Variants in CTNNA2 observed in about 807,000 individuals in gnomAD.
CTNNA2 encodes the protein catenin alpha 2, also known as catenin alpha-2.
CTNNA2 carries 42 observed loss-of-function variants against 101.0 expected under a neutral mutation model. The observed-to-expected ratio is 0.42, with a 90% CI of 0.32 to 0.54. CTNNA2 has a LOEUF of 0.54. Among genes scored for constraint, CTNNA2 ranks in the 20% least tolerant of loss-of-function variants. The probability of loss-of-function intolerance (pLI) is 0.14; values close to 1 mark genes in which losing one functional copy is unlikely to be tolerated. For synonymous variants in CTNNA2, 450 were observed against 456.4 expected, an observed-to-expected ratio of 0.99 and a Z score of 0.18; for missense variants, 871 against 1,223.1, an observed-to-expected ratio of 0.71 and a Z score of 4.29.
At chr2:79,260,634 C>G (rs922835637) in intron 2 of CTNNA2, among the ~76,000 whole-genome samples, 3 of 152,096 alleles carry the variant, frequency 2.0e-5, no homozygotes, top group Admixed American at 1.3e-4. Flanking sequence ...CATAGACACC[C>G]AGCAAGTTTG....
At chr2:79,755,917 T>A (rs2105057039) in intron 3 of CTNNA2, among the ~76,000 whole-genome samples, 1 of 152,296 alleles carries the variant, frequency 6.6e-6, no homozygotes, top group African/African-American at 2.4e-5. Flanking sequence ...TGTGAAAATA[T>A]GATGAAAAAT....
intron 7 of CTNNA2, among the ~76,000 whole-genome samples, chr2:80,385,878 C>A (rs1178942424): frequency 6.6e-6 from 1 of 152,132 alleles, no homozygotes; most frequent in African/African-American, 2.4e-5. Context: ...CTACCTACAA[C>A]CTGTGATTCT....
At chr2:79,791,242 GGAGGTTGGCATTT>G (rs1192812970) in intron 3 of CTNNA2, among the ~76,000 whole-genome samples, 1 of 152,102 alleles carries the variant, frequency 6.6e-6, no homozygotes, top group Non-Finnish European at 1.5e-5. Flanking sequence ...TAACAGAGTG[GGAGGTTGGCATTT>G]GAGCTGTGGA....
At chr2:80,443,774 T>G (rs191600438) in intron 9 of CTNNA2, among the ~76,000 whole-genome samples, 1 of 152,340 alleles carries the variant, frequency 6.6e-6, no homozygotes. Context: ...TGGCTAGCAT[T>G]ATATTTACGA....
At chr2:79,708,724 G>A (rs1573748168) in intron 2 of CTNNA2, among the ~76,000 whole-genome samples, 1 of 152,162 alleles carries the variant, frequency 6.6e-6, no homozygotes, top group Admixed American at 6.5e-5. Context: ...TATCATTTTT[G>A]TAAAGAGTTA....
At chr2:79,468,028 A>G (rs1191792380) in intron 4 of CTNNA2, among the ~76,000 whole-genome samples, 1 of 152,174 alleles carries the variant, frequency 6.6e-6, no homozygotes, top group Non-Finnish European at 1.5e-5. Flanking sequence ...ACACATAACA[A>G]TATTAACCTT....
intron 2 of CTNNA2, among the ~76,000 whole-genome samples, chr2:79,225,334 A>G (rs1674394541): frequency 6.6e-6 from 1 of 152,158 alleles, no homozygotes; most frequent in Admixed American, 6.6e-5. Flanking sequence ...TAAGCTATGT[A>G]TACAGTAGTA....
At chr2:79,353,024 C>A (rs1448297166) in intron 3 of CTNNA2, among the ~76,000 whole-genome samples, 1 of 152,114 alleles carries the variant, frequency 6.6e-6, no homozygotes, top group East Asian at 1.9e-4. Context: ...TGAGGCAGCA[C>A]TAGGGAGATG....
At chr2:80,223,012 T>G (rs1400202519) in intron 7 of CTNNA2, among the ~76,000 whole-genome samples, 1 of 152,158 alleles carries the variant, frequency 6.6e-6, no homozygotes, top group Non-Finnish European at 1.5e-5. Flanking sequence ...TTCGGGAAAA[T>G]CTCAGTAATT....
At chr2:79,199,501 C>G (rs1348988966) in intron 2 of CTNNA2, among the ~76,000 whole-genome samples, 1 of 152,102 alleles carries the variant, frequency 6.6e-6, no homozygotes, top group East Asian at 1.9e-4. Flanking sequence ...CAGTAATTAA[C>G]AACTGATATA....
At chr2:79,241,982 T>G (rs1199490433) in intron 2 of CTNNA2, among the ~76,000 whole-genome samples, 5 of 152,044 alleles carry the variant, frequency 3.3e-5, no homozygotes, top group Admixed American at 6.6e-5. Context: ...CTCCGCTCAC[T>G]GCAAGCTCCA....
At chr2:79,949,239 C>A (rs757972749) in intron 7 of CTNNA2, among the ~76,000 whole-genome samples, 5 of 151,974 alleles carry the variant, frequency 3.3e-5, no homozygotes, top group African/African-American at 4.8e-5. Context: ...ATGTTATGAC[C>A]CCCAAGGCCT....
At chr2:79,423,845 C>A (rs1678565585) in intron 4 of CTNNA2, among the ~76,000 whole-genome samples, 1 of 152,134 alleles carries the variant, frequency 6.6e-6, no homozygotes, top group South Asian at 2.1e-4. Flanking sequence ...AATCGGGACG[C>A]TTGTTAATTA....
chr2:79,920,358 C>T (rs919117207), intron 7 of CTNNA2, among the ~76,000 whole-genome samples: 3 of 152,170 alleles, frequency 2.0e-5, no homozygotes, highest in Non-Finnish European at 4.4e-5. Context: ...TGCCACACTC[C>T]AAAATCACAT....
At chr2:80,630,672 A>G (rs186124787) in intron 18 of CTNNA2, among the ~76,000 whole-genome samples, 1 of 152,100 alleles carries the variant, frequency 6.6e-6, no homozygotes, top group Admixed American at 6.6e-5. Context: ...TTAAAATAAA[A>G]TTTTTACATG....
chr2:79,334,490 A>G (rs368716269), intron 3 of CTNNA2, among the ~76,000 whole-genome samples: 2 of 152,218 alleles, frequency 1.3e-5, no homozygotes, highest in Non-Finnish European at 2.9e-5. Context: ...GACTAGGAGC[A>G]TCCTGAGGGC....
chr2:79,911,368 A>G (rs1574291149), intron 7 of CTNNA2, among the ~76,000 whole-genome samples: 1 of 152,256 alleles, frequency 6.6e-6, no homozygotes, highest in Admixed American at 6.5e-5. Context: ...AGTAGAAACT[A>G]CAGAGATCAC....
chr2:79,714,131 C>T (rs1164021726), intron 2 of CTNNA2, among the ~76,000 whole-genome samples: 1 of 152,138 alleles, frequency 6.6e-6, no homozygotes, highest in African/African-American at 2.4e-5. Flanking sequence ...CAACAGGGCT[C>T]ATTTCCAAAC....
intron 7 of CTNNA2, among the ~76,000 whole-genome samples, chr2:80,336,532 G>A (rs1480596745): frequency 1.3e-5 from 2 of 152,234 alleles, no homozygotes; most frequent in Middle Eastern, 3.4e-3. Flanking sequence ...ATTATCCAAA[G>A]TTTGATATTT....
Sources: allele counts gnomAD v4.1 joint callset (sites outside exome capture counted in the v4.1 genomes callset), GRCh38; gene constraint gnomAD v4.1.1; transcripts MANE v1.5; gene names NCBI Gene and HGNC (gene_info 2026-07-23, HGNC 2026-07-21).